SVIL: variants seen among roughly 807,000 people sequenced by gnomAD.
The protein encoded by SVIL is supervillin, also known as archvillin.
SVIL carries 101 observed loss-of-function variants against 240.4 expected under a neutral mutation model. The observed-to-expected ratio is 0.42, with a 90% CI of 0.36 to 0.50. The LOEUF (loss-of-function observed/expected upper bound fraction) is 0.50, where lower values mean the gene tolerates loss of function less well. Ranked by LOEUF, SVIL falls within the 20% of genes least tolerant of loss-of-function variation. SVIL has a pLI of 0.01. For missense variants in SVIL, 2,512 were observed against 2,818.7 expected, an observed-to-expected ratio of 0.89 and a Z score of 2.46; for synonymous variants, 999 against 1,100.0, an observed-to-expected ratio of 0.91 and a Z score of 1.82.
intron 1 of SVIL, among the ~76,000 whole-genome samples, chr10:29,633,052 T>G (rs977825568): frequency 1.3e-5 from 2 of 151,896 alleles, no homozygotes; most frequent in Non-Finnish European, 2.9e-5. Context: ...GCCAACATAG[T>G]GAAACCCCGT....
chr10:29,554,498 A>G (rs1465673879), intron 5 of SVIL, among the ~76,000 whole-genome samples: 1 of 151,972 alleles, frequency 6.6e-6, no homozygotes, highest in Non-Finnish European at 1.5e-5. Flanking sequence ...TTTAAAAAAA[A>G]AAATTAGCCT....
intron 1 of SVIL, among the ~76,000 whole-genome samples, chr10:29,689,923 A>T (rs1452616330): frequency 6.6e-6 from 1 of 152,222 alleles, no homozygotes. Context: ...AATTTCCCCA[A>T]TAACAGGTAA....
chr10:29,723,105 C>A (rs1964086174), intron 1 of SVIL, among the ~76,000 whole-genome samples: 1 of 152,206 alleles, frequency 6.6e-6, no homozygotes, highest in African/African-American at 2.4e-5. Context: ...CGTGGTGGCT[C>A]ATGCCTATAA....
chr10:29,574,624 G>A (rs866238209), intron 1 of SVIL, among the ~76,000 whole-genome samples: 2 of 152,164 alleles, frequency 1.3e-5, no homozygotes, highest in African/African-American at 4.8e-5. Context: ...CAAAGCTTGT[G>A]GCGTGGAAGT....
Position 29,495,275 on chromosome 10 carries a change from G to A in SVIL, c.3665-94C>T, listed in dbSNP as rs1229188177. On this transcript the variant is annotated intron_variant, in intron 18 of 37. Transcript: ENST00000355867. ...GATCTCCAGAAATCCCAGGGTAGAC[G>A]GCACAACATATAAGAATTTACACAC... is the stretch of plus-strand genomic sequence containing the variant. 2.5e-5 allele frequency: 17 copies of A among 686,876 alleles called. 4 individuals carry two copies. The highest frequency in any genetic ancestry group is 4.1e-4 in the Middle Eastern group (1 of 2,438). 42.5% of individuals were successfully genotyped at this position (686,876 alleles called of 1,614,324 possible). A position where few individuals can be genotyped will look rare whatever the true frequency, so the allele number is the denominator to read the frequency against.
chr10:29,615,152 G>A (rs192061124), intron 1 of SVIL, among the ~76,000 whole-genome samples: 15 of 152,142 alleles, frequency 9.9e-5, no homozygotes, highest in Admixed American at 7.9e-4. Context: ...TAAGGTAAAT[G>A]ACAGCATCTA....
chr10:29,544,307 A>G (rs549233022), intron 6 of SVIL, among the ~76,000 whole-genome samples: 1 of 152,216 alleles, frequency 6.6e-6, no homozygotes, highest in Admixed American at 6.5e-5. Flanking sequence ...AAAACTGCTA[A>G]TGACCGTTCT....
chr10:29,675,856 T>C (rs1388735316), intron 2 of SVIL, among the ~76,000 whole-genome samples: 1 of 152,186 alleles, frequency 6.6e-6, no homozygotes, highest in Non-Finnish European at 1.5e-5. Flanking sequence ...ATGGTTTCTT[T>C]TGAATAAACA....
chr10:29,647,749 T>C (rs1958707460), intron 3 of SVIL, among the ~76,000 whole-genome samples: 1 of 152,100 alleles, frequency 6.6e-6, no homozygotes, highest in African/African-American at 2.4e-5. Context: ...GTAAATTTTA[T>C]TTTAAATAAG....
chr10:29,703,655 C>T (rs974304944), intron 1 of SVIL, among the ~76,000 whole-genome samples: 2 of 152,234 alleles, frequency 1.3e-5, no homozygotes, highest in African/African-American at 4.8e-5. Context: ...CAGGGGGATT[C>T]TCAGGATTGC....
chr10:29,463,403 A>C lies in SVIL; in HGVS notation c.6277+89T>G, dbSNP rs113291955. On this transcript the variant is annotated intron_variant, in intron 35 of 37. Transcript: ENST00000355867. ...TATGGATGGATGCTGGCTGACATGC[A>C]CAGAAGGGGAAGGGGGTCTCCTGGC... The C allele has an allele frequency of 3.7e-4, 540 of 1,473,976 alleles. 2 individuals carry two copies. The African/African-American group carries it at 6.7e-3, about 18-fold the overall frequency. 91.3% of individuals were successfully genotyped at this position (1,473,976 alleles called of 1,614,324 possible). A position where few individuals can be genotyped will look rare whatever the true frequency, so the allele number is the denominator to read the frequency against.
chr10:29,467,966 A>G (rs1945116374), intron 32 of SVIL, 91 bp from the exon 33 acceptor site: 1 of 1,368,988 alleles, frequency 7.3e-7, no homozygotes, highest in Non-Finnish European at 1.0e-6. Flanking sequence ...CAGCTTTATA[A>G]TAGCTTTATT....
chr10:29,517,471 G>A (rs1223049515), intron 16 of SVIL, among the ~76,000 whole-genome samples: 1 of 152,054 alleles, frequency 6.6e-6, no homozygotes, highest in Non-Finnish European at 1.5e-5. Context: ...AAAGGAGGGA[G>A]TAAAGGGGAA....
At chr10:29,529,965 G>T (rs1295114888) in intron 11 of SVIL, 121 bp from the exon 12 acceptor site, 4 of 1,021,702 alleles carry the variant, frequency 3.9e-6, no homozygotes, top group Non-Finnish European at 5.4e-6. Context: ...GAGGCCAAGA[G>T]TTCAAGACCA....
At chr10:29,553,578 T>G (rs1255037075) in intron 5 of SVIL, among the ~76,000 whole-genome samples, 1 of 151,508 alleles carries the variant, frequency 6.6e-6, no homozygotes, top group South Asian at 2.1e-4. Context: ...CAAAACTCCA[T>G]CTCCAAAAAT....
intron 3 of SVIL, among the ~76,000 whole-genome samples, chr10:29,653,152 C>T (rs1958894118): frequency 6.6e-6 from 1 of 152,116 alleles, no homozygotes; most frequent in Non-Finnish European, 1.5e-5. Context: ...GATTTGTGTT[C>T]TTGCCCCAAT....
At chr10:29,477,841 A>C (rs1946371362) in intron 29 of SVIL, among the ~76,000 whole-genome samples, 1 of 152,188 alleles carries the variant, frequency 6.6e-6, no homozygotes, top group Non-Finnish European at 1.5e-5. Context: ...AGAAATATAG[A>C]AAGGAATCAC....
chr10:29,530,925 C>T (rs1346090768), intron 10 of SVIL, among the ~76,000 whole-genome samples: 2 of 152,136 alleles, frequency 1.3e-5, no homozygotes, highest in African/African-American at 2.4e-5. Context: ...TTTGTCTGAT[C>T]GAGATTTCAT....
chr10:29,511,955 C>A (rs1008603226), intron 17 of SVIL, among the ~76,000 whole-genome samples: 9 of 152,188 alleles, frequency 5.9e-5, no homozygotes, highest in African/African-American at 2.2e-4. Flanking sequence ...TGAAAGCATT[C>A]TTTTTCTTTT....
Sources: gnomAD v4.1 joint callset for allele counts (sites outside exome capture counted in the v4.1 genomes callset) on GRCh38, gnomAD v4.1.1 for gene constraint, MANE v1.5 for transcripts, NCBI Gene and HGNC (gene_info 2026-07-23, HGNC 2026-07-21) for gene names.